TNRC18: variants seen among roughly 807,000 people sequenced by gnomAD.
TNRC18 encodes trinucleotide repeat-containing gene 18 protein.
TNRC18 carries 69 observed loss-of-function variants against 226.7 expected under a neutral mutation model. That is an observed-to-expected ratio of 0.30 (90% CI 0.25 to 0.37). TNRC18 has a LOEUF of 0.37. Ranked by LOEUF, TNRC18 falls within the 10% of genes least tolerant of loss-of-function variation. The pLI is 1.00. For missense variants in TNRC18, 4,754 were observed against 4,256.6 expected, an observed-to-expected ratio of 1.12 and a Z score of -3.25; for synonymous variants, 2,449 against 1,927.6, an observed-to-expected ratio of 1.27 and a Z score of -7.09.
At chr7:5,406,795 G>A (rs1781496047) in intron 2 of TNRC18, among the ~76,000 whole-genome samples, 1 of 150,320 alleles carries the variant, frequency 6.7e-6, no homozygotes, top group African/African-American at 2.5e-5. Context: ...AGGTTGCAGT[G>A]AGCCGAGATT....
At chr7:5,350,554 G>C (rs940320273) in intron 17 of TNRC18, among the ~76,000 whole-genome samples, 1 of 152,182 alleles carries the variant, frequency 6.6e-6, no homozygotes, top group Non-Finnish European at 1.5e-5. Context: ...TGGCTACCCA[G>C]GGCCTGGGGG....
At chr7:5,336,704 T>C (rs984963120) in intron 18 of TNRC18, among the ~76,000 whole-genome samples, 3 of 152,224 alleles carry the variant, frequency 2.0e-5, no homozygotes, top group South Asian at 2.1e-4. Context: ...ATTGTGCTAC[T>C]GCATTCCAGC....
At position 5,359,643 on chromosome 7, in the gene TNRC18, C is replaced by T; in HGVS notation, c.4662-74G>A. 3.8e-6 allele frequency: 6 copies of T among 1,585,458 alleles called. 1 individual carries two copies. In the South Asian group the frequency reaches 5.5e-5, roughly 15 times the overall value. ...GCAGGCTGAGGTCCACCCTCATGGC[C>T]CTGAAGGGTTGGGCTCTGGACCCTG... On this transcript the variant is annotated intron_variant, in intron 14 of 29. Transcript: ENST00000430969.
intron 11 of TNRC18, among the ~76,000 whole-genome samples, chr7:5,365,503 G>A (rs1793526440): frequency 1.3e-5 from 2 of 152,302 alleles, no homozygotes; most frequent in African/African-American, 4.8e-5. Flanking sequence ...ATGACCAGGT[G>A]TGTGCAGTTC....
In TNRC18 at chr7:5,313,056, G is replaced by T. The variant is rs1160508257; in HGVS notation, c.7835C>A (p.Pro2612Gln). Reference protein sequence around the residue: ...CSAASSRAASPASSSSSSSSS... With the variant: ...CSAASSRAASQASSSSSSSSS... ...GGATGAGGAGGAGGAGGAGGAGGCC[G>T]GTGAGGCCGCCCTGGAGCTGGCAGC... Residue 2612 changes from proline to glutamine, a missense_variant, in exon 27 of 30, where the codon CCG (proline) becomes CAG (glutamine). Coordinates refer to ENST00000430969, the MANE Select transcript of TNRC18 (RefSeq NM_001080495.3). The T allele has an allele frequency of 4.6e-6, 5 of 1,078,166 alleles. No individual in the cohort carries two copies. The highest frequency in any genetic ancestry group is 6.9e-6 in the Non-Finnish European group (5 of 728,234). The allele number at this position is 1,078,166 out of a possible 1,614,324, so 66.8% of individuals were successfully genotyped here. A position where few individuals can be genotyped will look rare whatever the true frequency, so the allele number is the denominator to read the frequency against.
In TNRC18 at chr7:5,374,171, G is replaced by T; in HGVS notation, c.3113C>A (p.Ser1038Tyr). The change falls in exon 10 of 30, where the codon TCC becomes TAC. Residue 1038 changes from serine to tyrosine, a missense_variant. By Grantham distance (144) the Ser-to-Tyr change is moderately radical. Transcript: ENST00000430969. Reference protein sequence around the residue: ...SSHPTSPPPASPPPTPGITRK... With the variant: ...SSHPTSPPPAYPPPTPGITRK... ...GGTGATACCCGGGGTGGGCGGTGGG[G>T]AGGCGGGCGGCGGGCTGGTGGGGTG... The T allele has an allele frequency of 6.9e-7, 1 of 1,443,886 alleles. No homozygotes were observed. 89.4% of individuals were successfully genotyped at this position (1,443,886 alleles called of 1,614,324 possible).
intron 19 of TNRC18, among the ~76,000 whole-genome samples, chr7:5,329,773 ACGTAGC>A (rs1384608941): frequency 4.9e-5 from 2 of 40,636 alleles, no homozygotes; most frequent in African/African-American, 1.3e-4. Flanking sequence ...AACACTGGGG[ACGTAGC>A]TTTAGCTTCA....
chr7:5,389,916 TCA>T (rs35212066), intron 4 of TNRC18: 62,918 of 155,946 alleles, frequency 0.4, 14,880 homozygotes, highest in East Asian at 0.83. Context: ...TTCCCAAGCC[TCA>T]GTTTCCTCAT....
In TNRC18 at chr7:5,371,270, G is replaced by C. The variant is rs545327016; in HGVS notation, c.3324C>G (p.Asp1108Glu). The C allele has an allele frequency of 6.3e-7, 1 of 1,592,236 alleles. No individual in the cohort carries two copies. Among genetic ancestry groups the C allele is most frequent in the African/African-American group, 1.3e-5 (1 of 74,558 alleles). ...GGAGCGGCACATCAGGGGCCAAGCC[G>C]TCCGCGTCGGCGGCGGCCGTGGGCT... The part of the protein sequence containing the change: ...LLQPTAAADA[D>E]GLAPDVPLPA... Residue 1108 changes from aspartate to glutamate, a missense_variant, in exon 11 of 30, where the codon GAC (aspartate) becomes GAG (glutamate). Asp to Glu is a conservative substitution (Grantham distance 45). Transcript: ENST00000430969.
chr7:5,411,812 A>G (rs1054187530), intron 2 of TNRC18, among the ~76,000 whole-genome samples: 4 of 152,096 alleles, frequency 2.6e-5, no homozygotes, highest in African/African-American at 4.8e-5. Flanking sequence ...GGAAGATGGA[A>G]AATTCCAGGA....
At position 5,394,445 on chromosome 7, in the gene TNRC18, T is replaced by C; in HGVS notation, c.338A>G (p.His113Arg). 2 of 1,542,074 alleles carry C rather than the reference T, an allele frequency of 1.3e-6. No individual in the cohort carries two copies. The highest frequency in any genetic ancestry group is 1.7e-6 in the Non-Finnish European group (2 of 1,144,844). ...PMVQLWAAHA[H>R]EGFSHLPSGL... ...GACCCCGGCATGTTCCTTACCTTCATGGGCGTGGGCGGCCCACAGCTGCAC... is the reference window on the plus strand; with the variant it reads ...GACCCCGGCATGTTCCTTACCTTCACGGGCGTGGGCGGCCCACAGCTGCAC... Residue 113 changes from histidine to arginine, a missense_variant, in exon 3 of 30, where the codon CAT becomes CGT. By Grantham distance (29) the His-to-Arg change is conservative. Transcript: ENST00000430969. The surrounding 1 kb of genome is among the most constrained non-coding windows in gnomAD (Gnocchi z 4.5).
Position 5,374,082 on chromosome 7 carries a change from G to A in TNRC18, c.3202C>T (p.Pro1068Ser). Residue 1068 changes from proline (P) to serine (S), a missense_variant, in exon 10 of 30, where the codon CCC (proline) becomes TCC (serine). By Grantham distance (74) the Pro-to-Ser change is moderately conservative. Coordinates refer to ENST00000430969, the MANE Select transcript of TNRC18 (RefSeq NM_001080495.3). The part of the protein sequence containing the change: ...KKDLELEKEA[P>S]SPFQALFSDI... ...GAGAACAGGGCCTGGAAGGGGCTGG[G>A]GGCTTCCTTCTCCAACTCCAAGTCT... 1 of 1,581,472 alleles carries A rather than the reference G, an allele frequency of 6.3e-7. No individual in the cohort carries two copies. Among genetic ancestry groups the A allele is most frequent in the South Asian group, 1.1e-5 (1 of 87,734 alleles).
In TNRC18 at chr7:5,362,700, C is replaced by T. The variant is rs1398042285; in HGVS notation, c.4345G>A (p.Glu1449Lys). 2 of 1,583,720 alleles carry T rather than the reference C, an allele frequency of 1.3e-6. No homozygotes were observed. Among genetic ancestry groups the T allele is most frequent in the Admixed American group, 1.8e-5 (1 of 55,342 alleles). ...DPLKNLRLPR[E>K]LKPNKKYSWM... ...CTGTACTTCTTGTTGGGCTTCAGCT[C>T]CCGCGGGAGCCGCAGGTTCTTGAGT... The change falls in exon 12 of 30, where the codon GAG (glutamate) becomes AAG (lysine). Residue 1449 changes from glutamate to lysine, a missense_variant. Transcript: ENST00000430969.
intron 5 of TNRC18, among the ~76,000 whole-genome samples, chr7:5,384,849 C>T (rs2128188943): frequency 6.6e-6 from 1 of 152,262 alleles, no homozygotes; most frequent in Non-Finnish European, 1.5e-5. Flanking sequence ...TCCCTGGCTC[C>T]AGGAGCTCCA....
At chr7:5,418,162 G>A (rs1000385897) in intron 2 of TNRC18, among the ~76,000 whole-genome samples, 7 of 152,188 alleles carry the variant, frequency 4.6e-5, no homozygotes, top group Admixed American at 3.9e-4. Context: ...GAGGACAACT[G>A]AGTCCAGGCC....
At chr7:5,414,231 A>G in intron 2 of TNRC18, among the ~76,000 whole-genome samples, 1 of 151,266 alleles carries the variant, frequency 6.6e-6, no homozygotes, top group East Asian at 1.9e-4. Flanking sequence ...ACAGGCATGA[A>G]CCCCGTGCCC....
At chr7:5,316,129 G>C (rs1004435520) in intron 24 of TNRC18, 57 bp from the exon 25 acceptor site, 1 of 1,370,838 alleles carries the variant, frequency 7.3e-7, no homozygotes, top group South Asian at 1.2e-5. Flanking sequence ...CCCTAGTGAC[G>C]CACAAGGGTC....
intron 11 of TNRC18, among the ~76,000 whole-genome samples, chr7:5,369,348 C>CA (rs1208821346): frequency 1.3e-5 from 2 of 151,812 alleles, no homozygotes; most frequent in Non-Finnish European, 2.9e-5. Flanking sequence ...GACTATGGCT[C>CA]AAAAAAAGAA....
At chr7:5,314,548 G>A (rs1369291497) in intron 26 of TNRC18, among the ~76,000 whole-genome samples, 1 of 150,564 alleles carries the variant, frequency 6.6e-6, no homozygotes, top group East Asian at 1.9e-4. Context: ...TGCAGTGCAG[G>A]TGCAGAGTTC....
Sources: allele counts gnomAD v4.1 joint callset (sites outside exome capture counted in the v4.1 genomes callset), GRCh38; gene constraint gnomAD v4.1.1; non-coding constraint Gnocchi (gnomAD v3.1); transcripts MANE v1.5; gene names NCBI Gene and HGNC (gene_info 2026-07-23, HGNC 2026-07-21).